ANO10: variants seen among roughly 807,000 people sequenced by gnomAD.
ANO10 encodes anoctamin-10.
In ANO10, 77 loss-of-function variants were observed where a neutral mutation model predicts 74.7. The ratio of observed to expected loss-of-function variants is 1.03; its 90% CI spans 0.86 to 1.25. ANO10 has a LOEUF of 1.25. Ranked by LOEUF, ANO10 falls within the 50% of genes most tolerant of loss-of-function variation. The probability of loss-of-function intolerance (pLI) is 0.00; values close to 1 mark genes in which losing one functional copy is unlikely to be tolerated. For synonymous variants in ANO10, 279 were observed against 284.9 expected (o/e 0.98, Z 0.21); for missense variants, 721 against 778.1 (o/e 0.93, Z 0.87).
At position 43,432,721 on chromosome 3, in the gene ANO10, G is replaced by A. The variant is rs769594907; in HGVS notation, c.1804C>T (p.Leu602Phe). The stretch of plus-strand genomic sequence containing the variant: ...GCAAGTATAAACTTTAAAGCCAGGA[G>A]TGCGTGCTGAAAACAAGAAAGAGTA... ...ILIVVAVEHA[L>F]LALKFILAFA... is the part of the protein sequence containing the mutation. Residue 602 changes from leucine to phenylalanine, a missense_variant, in exon 12 of 13, where the codon CTC (leucine) becomes TTC (phenylalanine). Transcript: ENST00000292246. 2.5e-6 allele frequency: 4 copies of A among 1,610,154 alleles called. No homozygotes were observed. In the African/African-American group the frequency reaches 4.0e-5, roughly 16 times the overall value.
At chr3:43,566,536 C>A (rs1575442560) in intron 7 of ANO10, among the ~76,000 whole-genome samples, 1 of 152,318 alleles carries the variant, frequency 6.6e-6, no homozygotes, top group East Asian at 1.9e-4. Context: ...CCCCTGACCC[C>A]CGAGCAGCCT....
chr3:43,661,866 T>A (rs2083930654), intron 1 of ANO10, among the ~76,000 whole-genome samples: 1 of 152,202 alleles, frequency 6.6e-6, no homozygotes, highest in Admixed American at 6.5e-5. Flanking sequence ...CTATCCTAAA[T>A]ATATATGCAA....
chr3:43,503,478 G>C (rs889609101), intron 11 of ANO10, among the ~76,000 whole-genome samples: 11 of 152,210 alleles, frequency 7.2e-5, no homozygotes, highest in African/African-American at 2.6e-4. Flanking sequence ...TGGCTCCAAA[G>C]CCACAAGGCA....
intron 11 of ANO10, among the ~76,000 whole-genome samples, chr3:43,541,321 C>T (rs899179696): frequency 4.6e-5 from 7 of 152,190 alleles, no homozygotes; most frequent in African/African-American, 1.7e-4. Flanking sequence ...TCTTGCCAGG[C>T]ACTGTACTAA....
At chr3:43,447,363 G>A (rs1057315854) in intron 11 of ANO10, among the ~76,000 whole-genome samples, 3 of 152,144 alleles carry the variant, frequency 2.0e-5, no homozygotes, top group African/African-American at 7.2e-5. Flanking sequence ...CAGCCTTGTC[G>A]ACCCAAGGTG....
rs186029304 is a variant in ANO10, at chr3:43,379,549, C to T, written c.1915-12575G>A. On this transcript the variant is annotated intron_variant, in intron 12 of 12. Coordinates refer to ENST00000292246, the MANE Select transcript of ANO10 (RefSeq NM_018075.5). ...TTAAAGGAGATGGACTGCCTCCAGG[C>T]TCTGTGGGACAGCCAGGAACTGTGA... Among the ~76,000 whole-genome samples, 350 of 152,300 alleles carry T rather than the reference C, an allele frequency of 2.3e-3. 3 individuals are homozygous for T. Among genetic ancestry groups the T allele is most frequent in the Middle Eastern group, 6.8e-3 (2 of 294 alleles).
chr3:43,368,340 A>G (rs936775515), intron 12 of ANO10, among the ~76,000 whole-genome samples: 4 of 152,158 alleles, frequency 2.6e-5, no homozygotes, highest in Non-Finnish European at 5.9e-5. Context: ...GTAGGCCTGG[A>G]GTAGGGGGTA....
In ANO10 at chr3:43,485,104, T is replaced by C; in HGVS notation, c.1798-52377A>G. On this transcript the variant is annotated intron_variant, in intron 11 of 12. Coordinates refer to ENST00000292246, the MANE Select transcript of ANO10 (RefSeq NM_018075.5). ...CAGCCGGCCGGCGGCACTTGCTGGC[T>C]GCGATCACCTCCACCTTCATCTGGT... 3 of 1,017,468 alleles carry C rather than the reference T, an allele frequency of 2.9e-6. No homozygotes were observed. The Admixed American group carries it at 5.5e-5, about 19-fold the overall frequency. The allele number at this position is 1,017,468 out of a possible 1,614,324, so 63.0% of individuals were successfully genotyped here. A position where few individuals can be genotyped will look rare whatever the true frequency, so the allele number is the denominator to read the frequency against.
chr3:43,507,881 T>C (rs1007005800), intron 11 of ANO10, among the ~76,000 whole-genome samples: 2 of 152,030 alleles, frequency 1.3e-5, no homozygotes, highest in African/African-American at 2.4e-5. Flanking sequence ...GCATAAACAA[T>C]TGCCAACAAA....
chr3:43,656,696 A>C (rs893574594), intron 1 of ANO10, among the ~76,000 whole-genome samples: 1 of 152,202 alleles, frequency 6.6e-6, no homozygotes, highest in Non-Finnish European at 1.5e-5. Context: ...TGCCCGGGGC[A>C]GCAGGGCCGG....
rs56186109 is a variant in ANO10, at chr3:43,578,749, C to CAAAAAAAAAA, written c.593-1498_593-1489dup. ...TGGGCCACAGAGCAAGACTCCATCT[C>CAAAAAAAAAA]AAAAAAAAAAAAAAAAAAAAAAAAA... On this transcript the variant is annotated intron_variant, in intron 5 of 12. Transcript: ENST00000292246. 3.1e-4 allele frequency among the ~76,000 whole-genome samples: 20 copies of CAAAAAAAAAA among 64,436 alleles called. 1 individual carries two copies. The highest frequency in any genetic ancestry group is 8.0e-4 in the Admixed American group (3 of 3,742). 42.3% of individuals were successfully genotyped at this position (64,436 alleles called of 152,430 possible).
intron 11 of ANO10, among the ~76,000 whole-genome samples, chr3:43,445,117 T>G: frequency 9.3e-6 from 1 of 107,214 alleles, no homozygotes; most frequent in Admixed American, 1.1e-4. Flanking sequence ...AGTGAGACTT[T>G]GCCTCAAAAA....
intron 11 of ANO10, among the ~76,000 whole-genome samples, chr3:43,548,144 C>T (rs2079285555): frequency 6.6e-6 from 1 of 152,220 alleles, no homozygotes; most frequent in African/African-American, 2.4e-5. Context: ...AACCACCTGG[C>T]TTTCTGGTCA....
intron 1 of ANO10, among the ~76,000 whole-genome samples, chr3:43,682,090 T>G (rs2084209432): frequency 6.6e-6 from 1 of 152,040 alleles, no homozygotes; most frequent in African/African-American, 2.4e-5. Flanking sequence ...AGAGCCGAAC[T>G]GAAGGAAATA....
chr3:43,647,201 C>A (rs1484111488), intron 1 of ANO10, among the ~76,000 whole-genome samples: 4 of 110,870 alleles, frequency 3.6e-5, no homozygotes, highest in African/African-American at 1.2e-4. Flanking sequence ...GTATTCTATA[C>A]CCATAGATAA....
intron 1 of ANO10, among the ~76,000 whole-genome samples, chr3:43,632,072 C>CAA (rs1160264969): frequency 4.3e-5 from 3 of 70,284 alleles, no homozygotes; most frequent in African/African-American, 5.6e-5. Context: ...GACTCTGTCT[C>CAA]AAAAAAAAAA....
chr3:43,510,753 G>A (rs1012389998), intron 11 of ANO10, among the ~76,000 whole-genome samples: 5 of 152,158 alleles, frequency 3.3e-5, no homozygotes, highest in African/African-American at 1.2e-4. Context: ...AAAGAAGTGA[G>A]TGAGCTTGGC....
At chr3:43,567,592 A>C (rs1264127951) in intron 7 of ANO10, among the ~76,000 whole-genome samples, 3 of 152,146 alleles carry the variant, frequency 2.0e-5, no homozygotes, top group African/African-American at 7.2e-5. Context: ...TAAGCTTCAT[A>C]AGTGAAGGAG....
intron 11 of ANO10, among the ~76,000 whole-genome samples, chr3:43,477,319 C>T (rs1022781100): frequency 6.6e-6 from 1 of 152,176 alleles, no homozygotes; most frequent in Admixed American, 6.5e-5. Context: ...CCACCTCTCC[C>T]TTTTTATTAA....
Sources: gnomAD v4.1 joint callset for allele counts (sites outside exome capture counted in the v4.1 genomes callset) on GRCh38, gnomAD v4.1.1 for gene constraint, MANE v1.5 for transcripts, NCBI Gene and HGNC (gene_info 2026-07-23, HGNC 2026-07-21) for gene names.